NUDCD3: variants seen among roughly 807,000 people sequenced by gnomAD.
The protein encoded by NUDCD3 is NudC domain containing 3, also known as nudC domain-containing protein 3.
NUDCD3 carries 13 observed loss-of-function variants against 39.7 expected under a neutral mutation model. The ratio of observed to expected loss-of-function variants is 0.33; its 90% CI spans 0.21 to 0.52. The LOEUF (loss-of-function observed/expected upper bound fraction) is 0.52. Ranked by LOEUF, NUDCD3 falls within the 20% of genes least tolerant of loss-of-function variation. The pLI, the probability that NUDCD3 is intolerant of heterozygous loss-of-function variation, is 0.96. For synonymous variants in NUDCD3, 175 were observed against 172.4 expected (o/e 1.02, Z -0.12); for missense variants, 453 against 458.1 (o/e 0.99, Z 0.10).
intron 3 of NUDCD3, among the ~76,000 whole-genome samples, chr7:44,422,469 C>CT (rs750046424): frequency 3.2e-4 from 49 of 151,960 alleles, no homozygotes; most frequent in Non-Finnish European, 6.0e-4. Context: ...CCACTGATCC[C>CT]ACAGAAATAA....
At chr7:44,391,947 C>T (rs1413305470) in intron 5 of NUDCD3, among the ~76,000 whole-genome samples, 1 of 152,194 alleles carries the variant, frequency 6.6e-6, no homozygotes, top group Non-Finnish European at 1.5e-5. Context: ...CCAAGCGACT[C>T]TTCATGGGAA....
chr7:44,431,510 A>G (rs1265133377), intron 2 of NUDCD3, among the ~76,000 whole-genome samples: 4 of 152,080 alleles, frequency 2.6e-5, no homozygotes, highest in African/African-American at 7.2e-5. Context: ...AGGGAGAGCT[A>G]GCAGCACTGC....
rs1469916297 is a variant in NUDCD3, at chr7:44,382,629, C to A, written c.*3382G>T. ...AGCCCAGTTCTTCAGGACCGTGGGC[C>A]ACATGGGCTGCTTGACCTCTGACCA... On this transcript the variant is annotated 3_prime_UTR_variant, in exon 6 of 6. Coordinates refer to ENST00000355451, the MANE Select transcript of NUDCD3 (RefSeq NM_015332.4). 1 of 152,282 alleles carries A rather than the reference C, an allele frequency of 6.6e-6. No individual in the cohort carries two copies. The highest frequency in any genetic ancestry group is 1.5e-5 in the Non-Finnish European group (1 of 68,090). 9.4% of individuals were successfully genotyped at this position (152,282 alleles called of 1,614,324 possible).
chr7:44,388,886 T>C (rs1032220897), intron 5 of NUDCD3, among the ~76,000 whole-genome samples: 1 of 152,230 alleles, frequency 6.6e-6, no homozygotes, highest in Non-Finnish European at 1.5e-5. Flanking sequence ...CAGAATAGAT[T>C]TAGATTCAAC....
At chr7:44,489,838 T>C (rs1334783683) in intron 1 of NUDCD3, 1 of 152,266 alleles carries the variant, frequency 6.6e-6, no homozygotes, top group Non-Finnish European at 1.5e-5. Context: ...CATTCAAAAG[T>C]GCCCAGTCAA....
chr7:44,477,938 A>G (rs1585106733), intron 2 of NUDCD3, among the ~76,000 whole-genome samples: 2 of 150,326 alleles, frequency 1.3e-5, no homozygotes, highest in African/African-American at 4.9e-5. Flanking sequence ...GGTTCATGCA[A>G]TTCTGCTGCC....
chr7:44,441,465 C>T (rs1044688769), intron 2 of NUDCD3, among the ~76,000 whole-genome samples: 1 of 152,176 alleles, frequency 6.6e-6, no homozygotes, highest in Admixed American at 6.5e-5. Context: ...TTTGCTCCCG[C>T]CAACAATAGC....
chr7:44,401,451 C>T (rs1798724836), intron 4 of NUDCD3, among the ~76,000 whole-genome samples: 1 of 152,172 alleles, frequency 6.6e-6, no homozygotes, highest in Non-Finnish European at 1.5e-5. Context: ...CTACGTGGTC[C>T]AGAAAGAGGT....
chr7:44,461,968 G>A (rs1018066801), intron 2 of NUDCD3, among the ~76,000 whole-genome samples: 7 of 152,156 alleles, frequency 4.6e-5, no homozygotes, highest in South Asian at 2.1e-4. Flanking sequence ...GCCTGGCTCC[G>A]TGGTAAATAA....
At chr7:44,444,197 C>T (rs1799647054) in intron 2 of NUDCD3, among the ~76,000 whole-genome samples, 1 of 152,202 alleles carries the variant, frequency 6.6e-6, no homozygotes, top group Non-Finnish European at 1.5e-5. Context: ...CTTTAACCTT[C>T]TCATCTCACA....
At chr7:44,413,458 T>C (rs1798967157) in intron 3 of NUDCD3, among the ~76,000 whole-genome samples, 1 of 152,086 alleles carries the variant, frequency 6.6e-6, no homozygotes, top group Admixed American at 6.5e-5. Flanking sequence ...CTCTAATATA[T>C]ACAGAACTCC....
At chr7:44,414,892 T>A (rs78348509) in intron 3 of NUDCD3, among the ~76,000 whole-genome samples, 2,154 of 152,258 alleles carry the variant, frequency 0.014, 20 homozygotes, top group Non-Finnish European at 0.023. Context: ...GTTAGAGCCA[T>A]AAATGACACA....
chr7:44,411,869 G>A (rs1798932380), intron 3 of NUDCD3, among the ~76,000 whole-genome samples: 3 of 152,226 alleles, frequency 2.0e-5, no homozygotes, highest in Admixed American at 2.0e-4. Flanking sequence ...GTGGTAAAGG[G>A]AAAGATTGGA....
intron 2 of NUDCD3, among the ~76,000 whole-genome samples, chr7:44,466,086 A>G (rs1030521401): frequency 1.3e-5 from 2 of 152,178 alleles, no homozygotes; most frequent in Admixed American, 6.5e-5. Flanking sequence ...TATAAGCCAG[A>G]TGCTTGCTGC....
Position 44,444,261 on chromosome 7 carries a change from G to A in NUDCD3, c.510-16558C>T, listed in dbSNP as rs181080774. On this transcript the variant is annotated intron_variant, in intron 2 of 5. Coordinates refer to ENST00000355451, the MANE Select transcript of NUDCD3 (RefSeq NM_015332.4). ...CATCCTATCACCTGTTCCTTGGCCT[G>A]TAAATCTAAAAAGAGAAAGCCAGAA... 3.9e-5 allele frequency among the ~76,000 whole-genome samples: 6 copies of A among 152,320 alleles called. 1 individual carries two copies. Among genetic ancestry groups the A allele is most frequent in the African/African-American group, 1.2e-4 (5 of 41,568 alleles).
intron 4 of NUDCD3, among the ~76,000 whole-genome samples, chr7:44,399,129 T>C (rs1317118843): frequency 6.6e-6 from 1 of 152,114 alleles, no homozygotes; most frequent in East Asian, 1.9e-4. Flanking sequence ...TCCAACCCCA[T>C]GAAACGAGGG....
chr7:44,405,370 G>A (rs1226262164), intron 3 of NUDCD3, among the ~76,000 whole-genome samples: 2 of 152,184 alleles, frequency 1.3e-5, no homozygotes, highest in African/African-American at 4.8e-5. Context: ...GGCAGCTGTG[G>A]GAGTAGGGTT....
intron 1 of NUDCD3, among the ~76,000 whole-genome samples, chr7:44,487,461 A>G (rs1441879894): frequency 1.8e-5 from 2 of 108,284 alleles, no homozygotes; most frequent in Non-Finnish European, 4.8e-5. Flanking sequence ...TTAGGGACAG[A>G]AAAAAAAAAA....
intron 2 of NUDCD3, among the ~76,000 whole-genome samples, chr7:44,428,123 TAAAAAAAAAAAAAAAAAA>T (rs55642004): frequency 2.6e-5 from 2 of 76,102 alleles, no homozygotes; most frequent in African/African-American, 5.2e-5. Context: ...GGTCAATCTT[TAAAAAAAAAAAAAAAAAA>T]AAAAAAAAAG....
Sources: allele counts gnomAD v4.1 joint callset (sites outside exome capture counted in the v4.1 genomes callset), GRCh38; gene constraint gnomAD v4.1.1; transcripts MANE v1.5; gene names NCBI Gene and HGNC (gene_info 2026-07-23, HGNC 2026-07-21).